The following KCNJ18 variants were observed in gnomAD, a reference collection of about 807,000 sequenced individuals.
KCNJ18 encodes inward rectifier potassium channel 18.
Under a neutral mutation model 17.3 loss-of-function variants are expected in KCNJ18, and 16 were observed. That is an observed-to-expected ratio of 0.92 (90% CI 0.62 to 1.40). KCNJ18 has a LOEUF of 1.40. Ranked by LOEUF, KCNJ18 falls within the 40% of genes most tolerant of loss-of-function variation. The probability of loss-of-function intolerance (pLI) is 0.00; values close to 1 mark genes in which losing one functional copy is unlikely to be tolerated. For synonymous variants in KCNJ18, 185 were observed against 262.6 expected (o/e 0.70, Z 2.86); for missense variants, 462 against 626.8 (o/e 0.74, Z 2.81).
At chr17:21,699,177 G>C (rs1237868106) in intron 2 of KCNJ18, among the ~76,000 whole-genome samples, 1 of 152,172 alleles carries the variant, frequency 6.6e-6, no homozygotes, top group Non-Finnish European at 1.5e-5. Context: ...CAGCAAAACA[G>C]TTTCTCTGAT....
chr17:21,693,774 C>T (rs1905677812), intron 1 of KCNJ18, among the ~76,000 whole-genome samples: 1 of 152,238 alleles, frequency 6.6e-6, no homozygotes, highest in South Asian at 2.1e-4. Flanking sequence ...CTCTCTGAAA[C>T]TCTGCAGCTC....
chr17:21,697,320 A>C (rs1236953843), intron 2 of KCNJ18, among the ~76,000 whole-genome samples: 6 of 152,420 alleles, frequency 3.9e-5, no homozygotes, highest in African/African-American at 1.4e-4. Context: ...TGCATTTGGC[A>C]TAGGAAGCCA....
At chr17:21,701,349 C>G (rs1323502012) in intron 2 of KCNJ18, among the ~76,000 whole-genome samples, 2 of 152,308 alleles carry the variant, frequency 1.3e-5, no homozygotes, top group African/African-American at 4.8e-5. Context: ...GAACAGGTGA[C>G]ACCCCTGAGC....
intron 2 of KCNJ18, among the ~76,000 whole-genome samples, chr17:21,702,294 C>T (rs1905985025): frequency 6.6e-6 from 1 of 151,824 alleles, no homozygotes; most frequent in African/African-American, 2.4e-5. Flanking sequence ...TCCTGGGGGG[C>T]CTCTGACATT....
intron 2 of KCNJ18, among the ~76,000 whole-genome samples, chr17:21,700,100 C>G (rs1905901583): frequency 6.6e-6 from 1 of 152,262 alleles, no homozygotes; most frequent in African/African-American, 2.4e-5. Context: ...AGGGGTCCCC[C>G]CTGCCGCCAG....
At chr17:21,698,388 G>A (rs1280300438) in intron 2 of KCNJ18, among the ~76,000 whole-genome samples, 1 of 152,122 alleles carries the variant, frequency 6.6e-6, no homozygotes, top group Non-Finnish European at 1.5e-5. Flanking sequence ...GTGGCAGGTA[G>A]TAAGCACTTG....
intron 2 of KCNJ18, among the ~76,000 whole-genome samples, chr17:21,696,860 T>C (rs2142267794): frequency 6.6e-6 from 1 of 152,060 alleles, no homozygotes; most frequent in African/African-American, 2.4e-5. Flanking sequence ...GGAGACCCTA[T>C]GAGGAAGGCC....
chr17:21,704,303 G>A lies in KCNJ18; in HGVS notation c.*215G>A, dbSNP rs1351055846. 1.1e-5 allele frequency: 7 copies of A among 615,168 alleles called. No homozygotes were observed. Among genetic ancestry groups the A allele is most frequent in the Non-Finnish European group, 1.4e-5 (5 of 365,494 alleles). The allele number at this position is 615,168 out of a possible 1,614,324, so 38.1% of individuals were successfully genotyped here. A position where few individuals can be genotyped will look rare whatever the true frequency, so the allele number is the denominator to read the frequency against. ...CCCCCGGCCTCAGAGGCTATCACAGGCTCAGGGCAAAGAAGTGGCCTCCTG... is the reference window on the plus strand; with the variant it reads ...CCCCCGGCCTCAGAGGCTATCACAGACTCAGGGCAAAGAAGTGGCCTCCTG... On this transcript the variant is annotated 3_prime_UTR_variant, in exon 3 of 3. Coordinates refer to ENST00000567955, the MANE Select transcript of KCNJ18 (RefSeq NM_001194958.2).
intron 1 of KCNJ18, among the ~76,000 whole-genome samples, chr17:21,693,432 C>G (rs1296592178): frequency 3.9e-5 from 6 of 152,414 alleles, no homozygotes; most frequent in Admixed American, 2.6e-4. Context: ...AGGTGACCAG[C>G]AGGATGTGGA....
At chr17:21,695,055 C>T (rs1299744200) in intron 1 of KCNJ18, among the ~76,000 whole-genome samples, 1 of 152,174 alleles carries the variant, frequency 6.6e-6, no homozygotes, top group Non-Finnish European at 1.5e-5. Context: ...ATCCATCCAC[C>T]CATTCACCCA....
Position 21,703,205 on chromosome 17 carries a change from C to T in KCNJ18, c.419C>T (p.Thr140Met), listed in dbSNP as rs527236152. 2.5e-5 allele frequency: 40 copies of T among 1,610,336 alleles called. No homozygotes were observed. In the East Asian group the frequency reaches 4.5e-4, roughly 18 times the overall value. ...FMAAFLFSIE[T>M]QTTIGYGLRC... ...GCGGCCTTCCTCTTCTCCATCGAGA[C>T]GCAGACCACCATCGGCTACGGGCTG... Residue 140 changes from threonine to methionine, a missense_variant, in exon 3 of 3, where the codon ACG (threonine) becomes ATG (methionine). Physicochemically the swap from Thr to Met is moderately conservative, Grantham distance 81. Coordinates refer to ENST00000567955, the MANE Select transcript of KCNJ18 (RefSeq NM_001194958.2).
intron 2 of KCNJ18, among the ~76,000 whole-genome samples, chr17:21,698,483 G>A (rs1416559760): frequency 4.2e-4 from 64 of 152,102 alleles, no homozygotes; most frequent in African/African-American, 1.5e-3. Flanking sequence ...GGCTGTTGGC[G>A]CCTCCCCCTC....
intron 2 of KCNJ18, among the ~76,000 whole-genome samples, chr17:21,700,969 TC>T (rs1905928081): frequency 6.8e-6 from 1 of 146,870 alleles, no homozygotes; most frequent in African/African-American, 2.5e-5. Flanking sequence ...GGGTGCTGGG[TC>T]CCTGTGGGCG....
Position 21,703,837 on chromosome 17 carries a change from G to A in KCNJ18, c.1051G>A (p.Val351Met), listed in dbSNP as rs2142274034. 6.2e-7 allele frequency: 1 copy of A among 1,611,562 alleles called. No individual in the cohort carries two copies. The highest frequency in any genetic ancestry group is 2.2e-5 in the East Asian group (1 of 44,874). ...DYSHFHKTYE[V>M]PSTPRCSAKD... ...CTCGCACTTCCACAAGACCTATGAG[G>A]TGCCCTCTACGCCCCGCTGCAGTGC... is the stretch of plus-strand genomic sequence containing the variant. Residue 351 changes from valine to methionine, a missense_variant, in exon 3 of 3, where the codon GTG becomes ATG. By Grantham distance (21) the Val-to-Met change is conservative (BLOSUM62 1). Transcript: ENST00000567955.
chr17:21,694,625 C>A (rs1450671034), intron 1 of KCNJ18, among the ~76,000 whole-genome samples: 20 of 151,918 alleles, frequency 1.3e-4, no homozygotes, highest in African/African-American at 4.8e-4. Context: ...CCCATCCACC[C>A]ATCCATCTAT....
In KCNJ18 at chr17:21,703,062, T is replaced by G; in HGVS notation, c.276T>G (p.Leu92=). 6.2e-7 allele frequency: 1 copy of G among 1,613,208 alleles called. No individual in the cohort carries two copies. Reference sequence around the variant, plus strand: ...TGCTCATCTTCTCGCTGGCCTTCCTTGCCTCCTGGCTGCTGTTCGGCGTCA... The same window carrying G: ...TGCTCATCTTCTCGCTGGCCTTCCTGGCCTCCTGGCTGCTGTTCGGCGTCA... The part of the protein sequence containing the change: ...YMLLIFSLAF[L]ASWLLFGVIF... The change falls in exon 3 of 3, where the codon CTT becomes CTG. Residue 92 remains leucine, a synonymous_variant. Transcript: ENST00000567955.
intron 2 of KCNJ18, among the ~76,000 whole-genome samples, chr17:21,696,522 A>C (rs1378027213): frequency 6.6e-6 from 1 of 152,122 alleles, no homozygotes; most frequent in Non-Finnish European, 1.5e-5. Context: ...TTCACCCTTC[A>C]TCTGGCTGGG....
At chr17:21,700,860 G>A (rs1905924487) in intron 2 of KCNJ18, among the ~76,000 whole-genome samples, 1 of 116,348 alleles carries the variant, frequency 8.6e-6, no homozygotes, top group Admixed American at 9.2e-5. Context: ...TTCTCTTGGG[G>A]CCTCAGTGTC....
chr17:21,695,402 C>A (rs1218163798), intron 1 of KCNJ18, among the ~76,000 whole-genome samples: 161 of 152,330 alleles, frequency 1.1e-3, no homozygotes, highest in African/African-American at 3.8e-3. Context: ...ATCCACCTAC[C>A]CATTCATCCC....
Sources: gnomAD v4.1 joint callset for allele counts (sites outside exome capture counted in the v4.1 genomes callset) on GRCh38, gnomAD v4.1.1 for gene constraint, MANE v1.5 for transcripts, NCBI Gene and HGNC (gene_info 2026-07-23, HGNC 2026-07-21) for gene names.